The following CALCRL variants were observed in gnomAD, a reference collection of about 807,000 sequenced individuals.
CALCRL encodes the protein calcitonin receptor like receptor, also known as calcitonin gene-related peptide type 1 receptor.
CALCRL carries 27 observed loss-of-function variants against 60.4 expected under a neutral mutation model. The observed-to-expected ratio is 0.45, with a 90% confidence interval of 0.33 to 0.62. The LOEUF is 0.62. Ranked by LOEUF, CALCRL falls within the 20% of genes least tolerant of loss-of-function variation. The probability of loss-of-function intolerance (pLI) is 0.03; values close to 1 mark genes in which losing one functional copy is unlikely to be tolerated. For missense variants in CALCRL, 424 were observed against 540.7 expected (o/e 0.78, Z 2.14); for synonymous variants, 190 against 182.6 (o/e 1.04, Z -0.33).
intron 1 of CALCRL, among the ~76,000 whole-genome samples, chr2:187,408,399 GTTTA>G (rs2105841716): frequency 6.6e-6 from 1 of 152,036 alleles, no homozygotes; most frequent in Non-Finnish European, 1.5e-5. Context: ...ATATATTAAA[GTTTA>G]TTTAAAACAT....
At chr2:187,417,317 G>T (rs1282156007) in intron 1 of CALCRL, among the ~76,000 whole-genome samples, 3 of 151,792 alleles carry the variant, frequency 2.0e-5, no homozygotes. Flanking sequence ...CCAAAGGAAA[G>T]AAAAGAAATA....
chr2:187,342,083 A>G lies in CALCRL; in HGVS notation c.*4101T>C, dbSNP rs1686114547. On this transcript the variant is annotated 3_prime_UTR_variant, in exon 15 of 15. Transcript: ENST00000392370. ...CCCAATGGAATAAAAGGAAACATTG[A>G]TACATGCCAAAACATGAATGAATTT... Among the ~76,000 whole-genome samples, 1 of 151,966 alleles carries G rather than the reference A, an allele frequency of 6.6e-6. No homozygotes were observed.
chr2:187,373,304 G>C (rs1687612183), intron 8 of CALCRL, among the ~76,000 whole-genome samples: 1 of 152,102 alleles, frequency 6.6e-6, no homozygotes, highest in African/African-American at 2.4e-5. Flanking sequence ...AATGTTAGAA[G>C]TATCTAAATT....
At chr2:187,352,883 T>G (rs901411601) in intron 12 of CALCRL, among the ~76,000 whole-genome samples, 1 of 151,958 alleles carries the variant, frequency 6.6e-6, no homozygotes, top group Admixed American at 6.6e-5. Flanking sequence ...CTTTTACTTA[T>G]GAGGGAACTT....
chr2:187,443,922 A>T (rs1691047168), intron 1 of CALCRL, among the ~76,000 whole-genome samples: 7 of 151,730 alleles, frequency 4.6e-5, no homozygotes, highest in Admixed American at 4.6e-4. Context: ...GGTTCAAATT[A>T]ACACTCATTT....
chr2:187,347,991 A>G (rs1218533926), intron 14 of CALCRL, among the ~76,000 whole-genome samples: 1 of 151,704 alleles, frequency 6.6e-6, no homozygotes, highest in Non-Finnish European at 1.5e-5. Flanking sequence ...TTTCAAGCTC[A>G]ATTTAAAAAA....
chr2:187,357,145 A>G (rs1034436893), intron 12 of CALCRL, among the ~76,000 whole-genome samples: 1 of 152,144 alleles, frequency 6.6e-6, no homozygotes, highest in South Asian at 2.1e-4. Context: ...CAGCAATCCC[A>G]TTACTGGGTA....
At position 187,346,186 on chromosome 2, in the gene CALCRL, A is replaced by G; in HGVS notation, c.1384T>C (p.Ter462ArgextTer2). 1 of 1,574,218 alleles carries G rather than the reference A, an allele frequency of 6.4e-7. No individual in the cohort carries two copies. Among genetic ancestry groups the G allele is most frequent in the Non-Finnish European group, 8.7e-7 (1 of 1,148,846 alleles). ...VLLKPENLYN[*>R] Reference sequence around the variant, plus strand: ...GTGAGACAACCATCCTTCTATTTTCAATTATATAAATTTTCTGGTTTTAAG... The same window carrying G: ...GTGAGACAACCATCCTTCTATTTTCGATTATATAAATTTTCTGGTTTTAAG... Residue 462 changes from the stop codon to arginine (R), a stop_lost, in exon 15 of 15, where the codon TGA becomes CGA. Transcript: ENST00000392370.
At chr2:187,435,366 G>A (rs370347644) in intron 1 of CALCRL, among the ~76,000 whole-genome samples, 3 of 152,216 alleles carry the variant, frequency 2.0e-5, no homozygotes, top group East Asian at 1.9e-4. Flanking sequence ...CTAACTAAGC[G>A]AGAACTCACT....
chr2:187,381,050 T>A (rs1207597892), intron 5 of CALCRL, among the ~76,000 whole-genome samples: 1 of 152,180 alleles, frequency 6.6e-6, no homozygotes, highest in Admixed American at 6.5e-5. Context: ...AGGTAGCTAT[T>A]TGTTTAATAA....
chr2:187,390,180 T>G (rs919570311), intron 1 of CALCRL, among the ~76,000 whole-genome samples: 2 of 152,160 alleles, frequency 1.3e-5, no homozygotes, highest in African/African-American at 4.8e-5. Context: ...AATTTGTGAT[T>G]ACTTAGATGT....
At chr2:187,387,033 T>C (rs1351924497) in intron 3 of CALCRL, among the ~76,000 whole-genome samples, 1 of 152,178 alleles carries the variant, frequency 6.6e-6, no homozygotes, top group African/African-American at 2.4e-5. Context: ...CTTGGGTATG[T>C]GTTTATCAGC....
chr2:187,346,982 T>C (rs1249366327), intron 14 of CALCRL, among the ~76,000 whole-genome samples: 1 of 151,764 alleles, frequency 6.6e-6, no homozygotes, highest in Non-Finnish European at 1.5e-5. Context: ...AGAAAAGTGT[T>C]GAACAAATAA....
intron 12 of CALCRL, among the ~76,000 whole-genome samples, chr2:187,355,295 T>C (rs1370239076): frequency 1.3e-5 from 2 of 152,076 alleles, no homozygotes; most frequent in African/African-American, 4.8e-5. Flanking sequence ...ATGCACACAA[T>C]GCAAAGCCAG....
At chr2:187,394,266 A>T (rs1026474503) in intron 1 of CALCRL, among the ~76,000 whole-genome samples, 9 of 152,088 alleles carry the variant, frequency 5.9e-5, no homozygotes, top group African/African-American at 2.2e-4. Context: ...TTCTGCCAAC[A>T]ACCTGAATGA....
intron 14 of CALCRL, among the ~76,000 whole-genome samples, chr2:187,350,599 C>T (rs1018767561): frequency 3.3e-5 from 5 of 150,470 alleles, no homozygotes; most frequent in African/African-American, 9.8e-5. Context: ...TAAATAAATA[C>T]GTGTTGAACT....
chr2:187,363,132 C>T (rs1300059699), intron 9 of CALCRL, among the ~76,000 whole-genome samples: 1 of 152,018 alleles, frequency 6.6e-6, no homozygotes, highest in Non-Finnish European at 1.5e-5. Flanking sequence ...CACTCTGTAT[C>T]TTGGGGAATA....
intron 8 of CALCRL, among the ~76,000 whole-genome samples, chr2:187,374,185 A>C (rs921464457): frequency 6.6e-6 from 1 of 151,990 alleles, no homozygotes; most frequent in African/African-American, 2.4e-5. Flanking sequence ...AGAAAGAAAG[A>C]AAGAAAGAAC....
chr2:187,399,016 CTA>C (rs1444675554), intron 1 of CALCRL, among the ~76,000 whole-genome samples: 4 of 151,528 alleles, frequency 2.6e-5, no homozygotes, highest in Admixed American at 2.6e-4. Context: ...GGAATAATCA[CTA>C]TGTGTGGAAT....
Sources: allele counts gnomAD v4.1 joint callset (sites outside exome capture counted in the v4.1 genomes callset), GRCh38; gene constraint gnomAD v4.1.1; transcripts MANE v1.5; gene names NCBI Gene and HGNC (gene_info 2026-07-23, HGNC 2026-07-21).